ZNF695: variants seen among roughly 807,000 people sequenced by gnomAD.
ZNF695 encodes zinc finger protein SBZF3.
A neutral mutation model predicts 11.2 loss-of-function variants in ZNF695; 11 were observed. That is an observed-to-expected ratio of 0.98 (90% CI 0.62 to 1.62). ZNF695 has a LOEUF of 1.62. ZNF695 is among the 40% of genes most tolerant of loss of function. ZNF695 has a pLI of 0.00. For synonymous variants in ZNF695, 190 were observed against 201.4 expected, an observed-to-expected ratio of 0.94 and a Z score of 0.48; for missense variants, 559 against 590.5, an observed-to-expected ratio of 0.95 and a Z score of 0.55.
chr1:247,000,581 G>A (rs1280618207), intron 1 of ZNF695, among the ~76,000 whole-genome samples: 1 of 152,106 alleles, frequency 6.6e-6, no homozygotes, highest in African/African-American at 2.4e-5. Context: ...GAAAGAAGAT[G>A]GCTTAAGATC....
At chr1:246,980,511 G>C (rs1668680952), downstream of ZNF695, among the ~76,000 whole-genome samples, 1 of 151,152 alleles carries the variant, frequency 6.6e-6, no homozygotes, top group Non-Finnish European at 1.5e-5. Flanking sequence ...CCACCTCCCA[G>C]GTTCTGGTGA....
chr1:246,965,938 AATAT>A (rs201734981), intron 5 of ZNF695, among the ~76,000 whole-genome samples: 3 of 150,538 alleles, frequency 2.0e-5, no homozygotes. Flanking sequence ...GAAAATTAAA[AATAT>A]ATATATATTT....
chr1:246,989,271 C>T (rs1193861998), intron 3 of ZNF695, among the ~76,000 whole-genome samples: 1 of 151,954 alleles, frequency 6.6e-6, no homozygotes, highest in African/African-American at 2.4e-5. Flanking sequence ...GTCAAACAAA[C>T]AAAAATTAAA....
chr1:246,954,952 C>T (rs1667951319), intron 5 of ZNF695, among the ~76,000 whole-genome samples: 2 of 152,154 alleles, frequency 1.3e-5, no homozygotes, highest in South Asian at 4.2e-4. Context: ...TGGCTGTGTC[C>T]CCACCCAAAT....
At position 247,000,055 on chromosome 1, in the gene ZNF695, T is replaced by A; in HGVS notation, c.23A>T (p.Asp8Val). The A allele has an allele frequency of 6.2e-7, 1 of 1,608,584 alleles. No homozygotes were observed. Among genetic ancestry groups the A allele is most frequent in the Non-Finnish European group, 8.5e-7 (1 of 1,178,558 alleles). Reference sequence around the variant, plus strand: ...CTCTGGAGAGAATTCTAGAGCCACATCCCTGAATGCCAATAGTCCCTGAAA... The same window carrying A: ...CTCTGGAGAGAATTCTAGAGCCACAACCCTGAATGCCAATAGTCCCTGAAA... MGLLAFR[D>V]VALEFSPEEW... Residue 8 changes from aspartate to valine, a missense_variant, in exon 2 of 4, where the codon GAT becomes GTT. Transcript: ENST00000339986.
intron 4 of ZNF695, among the ~76,000 whole-genome samples, chr1:246,975,755 G>A (rs528932496): frequency 6.6e-6 from 1 of 152,138 alleles, no homozygotes; most frequent in Non-Finnish European, 1.5e-5. Context: ...GCAGGAGACA[G>A]TATCAAGAAA....
rs1188821881 is a variant in ZNF695 at position 246,945,742 on chromosome 1, G to A, written c.*55C>T. 18 of 1,547,026 alleles carry A rather than the reference G, an allele frequency of 1.2e-5. No homozygotes were observed. The South Asian group carries it at 1.2e-4, about 10-fold the overall frequency. ...TGGACCCGGTGTAAATTCGCCTCACGGAGCAGGGAGTCCAGGCACTGTGTT... is the reference window on the plus strand; with the variant it reads ...TGGACCCGGTGTAAATTCGCCTCACAGAGCAGGGAGTCCAGGCACTGTGTT... On this transcript the variant is annotated 3_prime_UTR_variant, in exon 6 of 6. Coordinates refer to the ZNF695 transcript ENST00000487338.
intron 1 of ZNF695, among the ~76,000 whole-genome samples, chr1:247,000,663 T>C (rs1007362259): frequency 1.3e-5 from 2 of 152,208 alleles, no homozygotes; most frequent in African/African-American, 2.4e-5. Flanking sequence ...ACTCAAGCAC[T>C]GGTATATTCA....
chr1:246,976,697 G>A (rs1668573439), intron 4 of ZNF695, among the ~76,000 whole-genome samples: 1 of 152,074 alleles, frequency 6.6e-6, no homozygotes, highest in Non-Finnish European at 1.5e-5. Flanking sequence ...GGGAGGCTGA[G>A]GCAGAAGAAT....
chr1:246,998,364 G>A (rs1216421851), intron 3 of ZNF695, among the ~76,000 whole-genome samples: 2 of 152,168 alleles, frequency 1.3e-5, no homozygotes, highest in Non-Finnish European at 2.9e-5. Flanking sequence ...TCTAGGATAT[G>A]AGTAGATATA....
intron 5 of ZNF695, among the ~76,000 whole-genome samples, chr1:246,963,962 T>C (rs1668227018): frequency 6.6e-6 from 1 of 152,188 alleles, no homozygotes; most frequent in Non-Finnish European, 1.5e-5. Flanking sequence ...TTGGATTTGA[T>C]AATTTGCTAG....
At chr1:246,973,613 GAGA>G (rs2103013960) in intron 4 of ZNF695, among the ~76,000 whole-genome samples, 1 of 152,288 alleles carries the variant, frequency 6.6e-6, no homozygotes, top group South Asian at 2.1e-4. Context: ...AATTAAATGA[GAGA>G]AGGATGATAC....
chr1:246,958,749 C>A (rs551791607), intron 5 of ZNF695, among the ~76,000 whole-genome samples: 1 of 152,146 alleles, frequency 6.6e-6, no homozygotes, highest in Non-Finnish European at 1.5e-5. Context: ...AGATAATACA[C>A]GATGTAACGC....
chr1:246,986,107 T>C lies in ZNF695; in HGVS notation c.*860A>G. On this transcript the variant is annotated 3_prime_UTR_variant, in exon 4 of 4. Transcript: ENST00000339986. ...ATTATTGAGAAAGGGTCTTGCTCTG[T>C]TGCCCAGGCAGGAGTGAAGTTGCCA... 4.2e-6 allele frequency: 4 copies of C among 943,320 alleles called. No homozygotes were observed. Among genetic ancestry groups the C allele is most frequent in the African/African-American group, 1.8e-5 (1 of 56,510 alleles). The allele number at this position is 943,320 out of a possible 1,614,324, so 58.4% of individuals were successfully genotyped here. A position where few individuals can be genotyped will look rare whatever the true frequency, so the allele number is the denominator to read the frequency against.
rs529957295 is a variant in ZNF695 at position 246,988,235 on chromosome 1, C to T, written c.280G>A (p.Glu94Lys). 6.4e-7 allele frequency: 1 copy of T among 1,567,614 alleles called. No individual in the cohort carries two copies. The highest frequency in any genetic ancestry group is 8.6e-7 in the Non-Finnish European group (1 of 1,161,974). ...AGGCCCTGCTCTGGCAAAATGTCTT[C>T]AGTAAGATAAGAAGACAAAACTGGA... ...RHSVLSSYLT[E>K]DILPEQGLQV... The change falls in exon 4 of 4, where the codon GAA (glutamate) becomes AAA (lysine). Residue 94 changes from glutamate (E) to lysine (K), a missense_variant. Transcript: ENST00000339986.
chr1:246,957,381 T>TAAAAAAAAAA (rs748363026), intron 5 of ZNF695, among the ~76,000 whole-genome samples: 1 of 129,486 alleles, frequency 7.7e-6, no homozygotes. Flanking sequence ...AAACTCCGTC[T>TAAAAAAAAAA]AAAAAAAAAA....
At chr1:246,971,175 C>T (rs1037377623) in intron 4 of ZNF695, among the ~76,000 whole-genome samples, 1 of 152,174 alleles carries the variant, frequency 6.6e-6, no homozygotes, top group Non-Finnish European at 1.5e-5. Flanking sequence ...AGTCACCTGT[C>T]CACCGGAGAG....
chr1:247,001,115 A>C (rs1669366416), intron 1 of ZNF695, among the ~76,000 whole-genome samples: 1 of 152,218 alleles, frequency 6.6e-6, no homozygotes, highest in Admixed American at 6.5e-5. Context: ...TGCATAAAGA[A>C]AGAAGACCCA....
chr1:246,976,013 C>T (rs1477427577), intron 4 of ZNF695, among the ~76,000 whole-genome samples: 3 of 152,158 alleles, frequency 2.0e-5, no homozygotes, highest in African/African-American at 7.2e-5. Flanking sequence ...GAGAGAGAGG[C>T]TTCCCAAGCA....
Sources: allele counts gnomAD v4.1 joint callset (sites outside exome capture counted in the v4.1 genomes callset), GRCh38; gene constraint gnomAD v4.1.1; transcripts MANE v1.5; gene names NCBI Gene and HGNC (gene_info 2026-07-23, HGNC 2026-07-21).